Variants in SASH1 observed in about 807,000 individuals in gnomAD.
SASH1 encodes SAM and SH3 domain containing 1.
SASH1 carries 44 observed loss-of-function variants against 125.2 expected under a neutral mutation model. The ratio of observed to expected loss-of-function variants is 0.35; its 90% confidence interval spans 0.28 to 0.45. SASH1 has a LOEUF of 0.45. Among genes scored for constraint, SASH1 ranks in the 20% least tolerant of loss-of-function variants. The pLI, the probability that SASH1 is intolerant of heterozygous loss-of-function variation, is 1.00. For missense variants in SASH1, 1,426 were observed against 1,614.5 expected (o/e 0.88, Z 2.00); for synonymous variants, 639 against 649.1 (o/e 0.98, Z 0.24).
At chr6:148,266,560 T>C in the SASH1 span, among the ~76,000 whole-genome samples, 1 of 152,180 alleles carries the variant, frequency 6.6e-6, no homozygotes, top group African/African-American at 2.4e-5. Context: ...TGTATTATTA[T>C]CAATAACAAT....
At position 148,470,840 on chromosome 6, in the gene SASH1, C is replaced by T. The variant is rs1162906950; in HGVS notation, c.428-577C>T. 3.9e-5 allele frequency among the ~76,000 whole-genome samples: 6 copies of T among 152,026 alleles called. 1 individual carries two copies. The highest frequency in any genetic ancestry group is 1.4e-4 in the African/African-American group (6 of 41,396). On this transcript the variant is annotated intron_variant, in intron 5 of 19. Coordinates refer to ENST00000367467, the MANE Select transcript of SASH1 (RefSeq NM_015278.5). ...GCCATAAGCATGCCATAGCAAGACCCGTGCAGACCACACTTCTGAGAGTAA... is the reference window on the plus strand; with the variant it reads ...GCCATAAGCATGCCATAGCAAGACCTGTGCAGACCACACTTCTGAGAGTAA...
intron 2 of SASH1, among the ~76,000 whole-genome samples, chr6:148,421,160 A>G (rs1785062225): frequency 9.4e-6 from 1 of 106,378 alleles, no homozygotes; most frequent in African/African-American, 3.5e-5. Flanking sequence ...AAAGAAAGAA[A>G]GAAAGAAAGA....
chr6:148,527,983 T>C (rs1036148266), intron 12 of SASH1, among the ~76,000 whole-genome samples: 6 of 88,310 alleles, frequency 6.8e-5, no homozygotes, highest in African/African-American at 3.4e-4. Context: ...AAAGCTTTTT[T>C]TTTTTGGGGG....
At chr6:148,451,911 C>T (rs141535150) in intron 4 of SASH1, among the ~76,000 whole-genome samples, 25 of 152,190 alleles carry the variant, frequency 1.6e-4, no homozygotes, top group South Asian at 1.0e-3. Flanking sequence ...TGGAGACACC[C>T]ATGTTTTCCC....
intron 1 of SASH1, among the ~76,000 whole-genome samples, chr6:148,308,823 C>A (rs1780215173): frequency 2.0e-5 from 3 of 151,116 alleles, no homozygotes; most frequent in African/African-American, 7.3e-5. Flanking sequence ...GTGGCTCATG[C>A]CTGTAATCCC....
At chr6:148,261,565 G>A in the SASH1 span, among the ~76,000 whole-genome samples, 2 of 152,148 alleles carry the variant, frequency 1.3e-5, no homozygotes, top group Admixed American at 6.5e-5. Flanking sequence ...TACAGGTGGC[G>A]GACACAAATT....
chr6:148,248,709 C>G, the SASH1 span, among the ~76,000 whole-genome samples: 1 of 152,212 alleles, frequency 6.6e-6, no homozygotes, highest in Admixed American at 6.5e-5. Context: ...CTTCCCCCCA[C>G]AAGCCTCAGA....
chr6:148,334,427 CAAA>C (rs1162225428), intron 1 of SASH1, among the ~76,000 whole-genome samples: 3 of 63,680 alleles, frequency 4.7e-5, no homozygotes, highest in Non-Finnish European at 5.5e-5. Flanking sequence ...GACTCCGTCT[CAAA>C]AAAAAAAAAA....
chr6:148,219,778 G>A, the SASH1 span, among the ~76,000 whole-genome samples: 3 of 152,184 alleles, frequency 2.0e-5, no homozygotes. Flanking sequence ...TGCAGGTGAT[G>A]GGGAAATGGA....
At chr6:148,507,525 C>T (rs1562466454) in intron 8 of SASH1, among the ~76,000 whole-genome samples, 1 of 152,146 alleles carries the variant, frequency 6.6e-6, no homozygotes, top group Non-Finnish European at 1.5e-5. Context: ...TGTATGCCAC[C>T]ACGCCTGACT....
intron 4 of SASH1, among the ~76,000 whole-genome samples, chr6:148,447,782 A>G (rs58488869): frequency 0.48 from 72,361 of 150,022 alleles, 18,054 homozygotes; most frequent in East Asian, 0.71. Context: ...GTGGTCTGCC[A>G]TCCACCTACC....
rs1421972059 is a variant in SASH1 at position 148,519,458 on chromosome 6, T to C, written c.863-89T>C. 3 of 924,440 alleles carry C rather than the reference T, an allele frequency of 3.2e-6. No homozygotes were observed. The highest frequency in any genetic ancestry group is 3.3e-5 in the African/African-American group (2 of 60,486). 57.3% of individuals were successfully genotyped at this position (924,440 alleles called of 1,614,324 possible). On this transcript the variant is annotated intron_variant, in intron 9 of 19. Coordinates refer to ENST00000367467, the MANE Select transcript of SASH1 (RefSeq NM_015278.5). This position sits in a 1 kb window ranked among gnomAD's most constrained non-coding sequence, Gnocchi z 4.8. Reference sequence around the variant, plus strand: ...GGAGCTGGGTTTATAAAGAGGGTCATGATACGGAGAAAGGTGGTGAATGTA... The same window carrying C: ...GGAGCTGGGTTTATAAAGAGGGTCACGATACGGAGAAAGGTGGTGAATGTA...
In SASH1 at chr6:148,487,675, A is replaced by G. The variant is rs774906337; in HGVS notation, c.689A>G (p.Asp230Gly). 19 of 1,613,768 alleles carry G rather than the reference A, an allele frequency of 1.2e-5. No homozygotes were observed. The highest frequency in any genetic ancestry group is 1.6e-5 in the Non-Finnish European group (19 of 1,179,830). ...GCCCTGGACCCTGCTGACTGGCCAG[A>G]TGGTTCTTACCCAACGTTTGATGGC... ...SAALDPADWP[D>G]GSYPTFDGSS... is the part of the protein sequence containing the mutation. The change falls in exon 8 of 20, where the codon GAT (aspartate) becomes GGT (glycine). Residue 230 changes from aspartate (D) to glycine (G), a missense_variant. Asp to Gly is a moderately conservative substitution (Grantham distance 94). Transcript: ENST00000367467.
chr6:148,505,310 G>GT (rs1779736998), intron 8 of SASH1, among the ~76,000 whole-genome samples: 1 of 152,150 alleles, frequency 6.6e-6, no homozygotes, highest in African/African-American at 2.4e-5. Flanking sequence ...AAGGTTGTTG[G>GT]TTTTTTCTGT....
At chr6:148,273,769 AGT>A (rs2128503237) in intron 1 of SASH1, among the ~76,000 whole-genome samples, 1 of 152,298 alleles carries the variant, frequency 6.6e-6, no homozygotes, top group East Asian at 1.9e-4. Flanking sequence ...GGCTTTGGCA[AGT>A]TGAGGCCTCT....
Position 148,400,907 on chromosome 6 carries a change from A to C in SASH1, c.285+10645A>C, listed in dbSNP as rs117557986. 7.7e-3 allele frequency among the ~76,000 whole-genome samples: 1,168 copies of C among 152,240 alleles called. 21 individuals are homozygous for C. The East Asian group carries it at 0.078, about 10-fold the overall frequency. On this transcript the variant is annotated intron_variant, in intron 2 of 19. Transcript: ENST00000367467. ...TTTCTTTCGGTTTGGAAGTTTTAAG[A>C]ATTTTAAGTTGAAGAAAACAAGATG...
At chr6:148,225,458 A>AAATGGAATTTCT in the SASH1 span, among the ~76,000 whole-genome samples, 1 of 152,170 alleles carries the variant, frequency 6.6e-6, no homozygotes, top group African/African-American at 2.4e-5. Flanking sequence ...TTTTCTAAGT[A>AAATGGAATTTCT]AAGTAACTCA....
intron 2 of SASH1, 49 bp from the exon 3 acceptor site, chr6:148,440,135 G>C (rs116695542): frequency 6.4e-7 from 1 of 1,566,316 alleles, no homozygotes; most frequent in East Asian, 2.2e-5. Context: ...TCTTTCTCGC[G>C]TGTGACATGT....
chr6:148,429,385 T>TAAAAAAAAAAA (rs61460366), intron 2 of SASH1, among the ~76,000 whole-genome samples: 1 of 73,938 alleles, frequency 1.4e-5, no homozygotes, highest in Non-Finnish European at 2.4e-5. Flanking sequence ...CCCTGTCTCT[T>TAAAAAAAAAAA]AAAAAAAAAA....
Sources: allele counts gnomAD v4.1 joint callset (sites outside exome capture counted in the v4.1 genomes callset), GRCh38; gene constraint gnomAD v4.1.1; non-coding constraint Gnocchi (gnomAD v3.1); transcripts MANE v1.5; gene names NCBI Gene and HGNC (gene_info 2026-07-23, HGNC 2026-07-21).